The following TANGO6 variants were observed in gnomAD, a reference collection of about 807,000 sequenced individuals.
The protein encoded by TANGO6 is transport and Golgi organization protein 6 homolog.
Under a neutral mutation model 114.2 loss-of-function variants are expected in TANGO6, and 90 were observed. That is an observed-to-expected ratio of 0.79 (90% CI 0.66 to 0.94). TANGO6 has a LOEUF of 0.94. Ranked by LOEUF, TANGO6 falls within the 40% of genes least tolerant of loss-of-function variation. TANGO6 has a pLI of 0.00. For missense variants in TANGO6, 1,274 were observed against 1,315.3 expected, an observed-to-expected ratio of 0.97 and a Z score of 0.49; for synonymous variants, 477 against 509.8, an observed-to-expected ratio of 0.94 and a Z score of 0.87.
intron 4 of TANGO6, among the ~76,000 whole-genome samples, chr16:68,871,063 T>C (rs888589941): frequency 6.6e-6 from 1 of 152,016 alleles, no homozygotes; most frequent in African/African-American, 2.4e-5. Flanking sequence ...AGTGCTGGGA[T>C]TACAGGTGTG....
At chr16:69,065,274 C>T (rs988195759) in intron 17 of TANGO6, among the ~76,000 whole-genome samples, 18 of 152,220 alleles carry the variant, frequency 1.2e-4, no homozygotes, top group African/African-American at 4.3e-4. Flanking sequence ...CAGCATGCCT[C>T]AGCATAAGCC....
In TANGO6 at chr16:68,860,446, C is replaced by A. The variant is rs1322259066; in HGVS notation, c.657C>A (p.His219Gln). 6.2e-6 allele frequency: 10 copies of A among 1,614,044 alleles called. No homozygotes were observed. The Middle Eastern group carries it at 1.2e-3, about 186-fold the overall frequency. Reference protein sequence around the residue: ...TSLGSLIFCHHFGDIAAGLCQ... With the variant: ...TSLGSLIFCHQFGDIAAGLCQ... ...TGGGGAGCTTGATCTTCTGCCACCACTTTGGGGATATCGCAGCAGGTCTGT... is the reference window on the plus strand; with the variant it reads ...TGGGGAGCTTGATCTTCTGCCACCAATTTGGGGATATCGCAGCAGGTCTGT... The change falls in exon 2 of 18, where the codon CAC (histidine) becomes CAA (glutamine). Residue 219 changes from histidine (H) to glutamine (Q), a missense_variant. By Grantham distance (24) the His-to-Gln change is conservative. This residue lies in a region of TANGO6 where 908 missense variants were observed against 910.2 expected (regional missense o/e 1.00). Transcript: ENST00000261778.
At chr16:68,875,404 T>G in intron 5 of TANGO6, 114 bp downstream of exon 5, 1 of 1,267,562 alleles carries the variant, frequency 7.9e-7, no homozygotes, top group East Asian at 2.6e-5. Flanking sequence ...TTAAGTTTAT[T>G]GTTTAGTGAG....
At chr16:68,864,536 G>C (rs780700467) in intron 3 of TANGO6, among the ~76,000 whole-genome samples, 1 of 151,114 alleles carries the variant, frequency 6.6e-6, no homozygotes, top group Non-Finnish European at 1.5e-5. Flanking sequence ...AGCTGTGATC[G>C]GGCCACTGCA....
intron 15 of TANGO6, among the ~76,000 whole-genome samples, chr16:68,993,043 G>T (rs796754088): frequency 1.3e-5 from 2 of 151,888 alleles, no homozygotes; most frequent in South Asian, 4.2e-4. Context: ...ACTCCAGCCC[G>T]GGTGACAGAG....
chr16:69,006,149 T>C (rs768883655), intron 15 of TANGO6, among the ~76,000 whole-genome samples: 2 of 152,040 alleles, frequency 1.3e-5, no homozygotes, highest in African/African-American at 2.4e-5. Flanking sequence ...TGGCTGGTGG[T>C]GCAGGCAGAA....
intron 7 of TANGO6, among the ~76,000 whole-genome samples, chr16:68,888,317 G>A (rs116941332): frequency 0.019 from 2,925 of 152,264 alleles, 32 homozygotes; most frequent in Non-Finnish European, 0.031. Context: ...GATTAATAGT[G>A]TATTCTTTGC....
At chr16:69,013,771 C>A (rs1959235223) in intron 15 of TANGO6, among the ~76,000 whole-genome samples, 2 of 151,824 alleles carry the variant, frequency 1.3e-5, no homozygotes, top group African/African-American at 4.8e-5. Flanking sequence ...ATTCTCGTGC[C>A]TCAGCCTCCC....
At chr16:69,012,518 T>C (rs894518955) in intron 15 of TANGO6, among the ~76,000 whole-genome samples, 2 of 131,588 alleles carry the variant, frequency 1.5e-5, no homozygotes, top group Admixed American at 1.8e-4. Context: ...ATCGTGCCAT[T>C]GCACTCCAGC....
At chr16:68,960,605 G>A (rs140915870) in intron 14 of TANGO6, among the ~76,000 whole-genome samples, 1 of 152,162 alleles carries the variant, frequency 6.6e-6, no homozygotes, top group African/African-American at 2.4e-5. Context: ...CGGGGTTTAA[G>A]CAATTCTGCC....
At chr16:69,061,347 C>G (rs1182109490) in intron 17 of TANGO6, among the ~76,000 whole-genome samples, 1 of 150,792 alleles carries the variant, frequency 6.6e-6, no homozygotes, top group Non-Finnish European at 1.5e-5. Context: ...GGTGGATCAC[C>G]TGAGGGTCAG....
chr16:68,867,552 G>T (rs1006781382), intron 4 of TANGO6: 1 of 216,352 alleles, frequency 4.6e-6, no homozygotes, highest in Non-Finnish European at 9.2e-6. Flanking sequence ...AATAAAGCTA[G>T]GTGTGGGCCG....
chr16:68,909,339 C>T lies in TANGO6; in HGVS notation c.1929C>T (p.Val643=), dbSNP rs72787286. 17,228 of 1,608,354 alleles carry T rather than the reference C, an allele frequency of 0.011. 127 individuals carry two copies. The highest frequency in any genetic ancestry group is 0.013 in the Middle Eastern group (78 of 6,056). Residue 643 remains valine, a synonymous_variant, in exon 11 of 18, where the codon GTC becomes GTT. Transcript: ENST00000261778. ...AAGGCCAAGAGCGGAAGCTGCTTGT[C>T]CTGCAGCTGATGGCTGTTCTGTGCG... is the stretch of plus-strand genomic sequence containing the variant. ...LVEGQERKLL[V]LQLMAVLCER... is the part of the protein sequence containing the mutation.
intron 4 of TANGO6, 55 bp downstream of exon 4, chr16:68,867,275 T>C: frequency 6.2e-7 from 1 of 1,607,690 alleles, no homozygotes; most frequent in Non-Finnish European, 8.5e-7. Flanking sequence ...TGAGTCAGAG[T>C]CTGAGGTGAA....
intron 15 of TANGO6, among the ~76,000 whole-genome samples, chr16:68,985,467 C>G (rs1372952653): frequency 3.3e-5 from 5 of 152,024 alleles, no homozygotes; most frequent in African/African-American, 1.2e-4. Flanking sequence ...CCTAGCACTT[C>G]GAGAGGCTGA....
intron 7 of TANGO6, among the ~76,000 whole-genome samples, chr16:68,895,033 G>A (rs1962686116): frequency 6.6e-6 from 1 of 152,060 alleles, no homozygotes; most frequent in African/African-American, 2.4e-5. Flanking sequence ...CTGCTTCTTT[G>A]AGCCTCAGTT....
intron 14 of TANGO6, among the ~76,000 whole-genome samples, chr16:68,954,957 G>T (rs1963510759): frequency 6.6e-6 from 1 of 152,076 alleles, no homozygotes; most frequent in African/African-American, 2.4e-5. Context: ...TTTATAATAA[G>T]AAGAGAATGT....
At chr16:69,011,435 C>T (rs1017339904) in intron 15 of TANGO6, among the ~76,000 whole-genome samples, 2 of 150,524 alleles carry the variant, frequency 1.3e-5, no homozygotes, top group Admixed American at 1.3e-4. Flanking sequence ...GGTCCTCTGA[C>T]TCCAAAAGTT....
intron 14 of TANGO6, among the ~76,000 whole-genome samples, chr16:68,945,054 T>C (rs968479797): frequency 6.6e-6 from 1 of 152,144 alleles, no homozygotes; most frequent in Non-Finnish European, 1.5e-5. Context: ...GGCAGGAGAA[T>C]CACTTGAACC....
Sources: gnomAD v4.1 joint callset for allele counts (sites outside exome capture counted in the v4.1 genomes callset) on GRCh38, gnomAD v4.1.1 for gene constraint, gnomAD v4.1.1 regional missense constraint, MANE v1.5 for transcripts, NCBI Gene and HGNC (gene_info 2026-07-23, HGNC 2026-07-21) for gene names.